Variants in HMCN2 observed in about 807,000 individuals in gnomAD.
HMCN2 encodes the protein hemicentin-2.
In HMCN2, 325 loss-of-function variants were observed where a neutral mutation model predicts 377.5. The ratio of observed to expected loss-of-function variants is 0.86; its 90% CI spans 0.79 to 0.94. The LOEUF (loss-of-function observed/expected upper bound fraction) is 0.94, where lower values mean the gene tolerates loss of function less well. HMCN2 is among the 40% of genes least tolerant of loss of function. HMCN2 has a pLI of 0.00. For missense variants in HMCN2, 4,543 were observed against 4,725.3 expected, an observed-to-expected ratio of 0.96 and a Z score of 1.13; for synonymous variants, 2,007 against 2,046.8, an observed-to-expected ratio of 0.98 and a Z score of 0.53.
intron 62 of HMCN2, among the ~76,000 whole-genome samples, chr9:130,390,138 T>G (rs987664934): frequency 2.6e-5 from 4 of 152,204 alleles, no homozygotes; most frequent in Non-Finnish European, 5.9e-5. Flanking sequence ...GCACATGTGT[T>G]CCCTGCCTGG....
intron 1 of HMCN2, among the ~76,000 whole-genome samples, chr9:130,268,386 C>T (rs1425262183): frequency 2.4e-5 from 3 of 124,402 alleles, no homozygotes; most frequent in Admixed American, 7.7e-5. Context: ...CAGGTTCAGA[C>T]GTCGGGGAGA....
chr9:130,392,236 C>T (rs1336617051), intron 66 of HMCN2, 118 bp downstream of exon 66: 4 of 714,702 alleles, frequency 5.6e-6, no homozygotes, highest in Non-Finnish European at 6.9e-6. Flanking sequence ...CCCCACCCCA[C>T]AGCGAGTGTG....
At chr9:130,298,842 G>T (rs1031383618) in intron 7 of HMCN2, among the ~76,000 whole-genome samples, 183 bp from the exon 8 acceptor site, 1 of 152,160 alleles carries the variant, frequency 6.6e-6, no homozygotes, top group Non-Finnish European at 1.5e-5. Context: ...CAGTAGCAAG[G>T]TCCCTATCTA....
chr9:130,365,719 A>G lies in HMCN2; in HGVS notation c.6497A>G (p.Asn2166Ser), dbSNP rs546277798. Residue 2166 changes from asparagine (N) to serine (S), a missense_variant, in exon 42 of 98, where the codon AAC becomes AGC. This residue lies in a region of HMCN2 where 1,032 missense variants were observed against 1,285.1 expected (regional missense o/e 0.80). Coordinates refer to ENST00000683500, the MANE Select transcript of HMCN2 (RefSeq NM_001291815.2). Reference protein sequence around the residue: ...AGHSEKHYNLNVWVAPVFPLR... With the variant: ...AGHSEKHYNLSVWVAPVFPLR... ...CACTCAGAGAAACACTACAATCTGA[A>G]CGTCTGGGGTGAGGGTCTCCCAGGC... is the stretch of plus-strand genomic sequence containing the variant. 1.0e-6 allele frequency: 1 copy of G among 985,698 alleles called. No individual in the cohort carries two copies. The highest frequency in any genetic ancestry group is 1.1e-4 in the East Asian group (1 of 8,804). The allele number at this position is 985,698 out of a possible 1,614,324, so 61.1% of individuals were successfully genotyped here.
intron 90 of HMCN2, among the ~76,000 whole-genome samples, chr9:130,426,305 C>A (rs1308896415): frequency 2.6e-5 from 4 of 152,336 alleles, no homozygotes; most frequent in Non-Finnish European, 4.4e-5. Context: ...ACCCTAGAGA[C>A]CCCCAGGAAC....
At chr9:130,353,877 C>T (rs1339504458) in intron 31 of HMCN2, among the ~76,000 whole-genome samples, 5 of 152,088 alleles carry the variant, frequency 3.3e-5, no homozygotes, top group African/African-American at 1.2e-4. Flanking sequence ...GAGAGGGCAG[C>T]GTGCAAGCTG....
intron 62 of HMCN2, among the ~76,000 whole-genome samples, chr9:130,390,314 G>C (rs1182498678): frequency 6.6e-6 from 1 of 152,120 alleles, no homozygotes; most frequent in Non-Finnish European, 1.5e-5. Flanking sequence ...TCAGCACTGG[G>C]TCCCCTTGTT....
chr9:130,325,264 T>C (rs1239953162), intron 19 of HMCN2, among the ~76,000 whole-genome samples: 1 of 151,886 alleles, frequency 6.6e-6, no homozygotes, highest in Non-Finnish European at 1.5e-5. Flanking sequence ...CACAGCTAAT[T>C]TTTGTATTTT....
Position 130,294,874 on chromosome 9 carries a change from C to T in HMCN2, c.632C>T (p.Ser211Leu). The change falls in exon 5 of 98, where the codon TCA (serine) becomes TTA (leucine). Residue 211 changes from serine (S) to leucine (L), a missense_variant. This residue lies in a region of HMCN2 where 547 missense variants were observed against 189.9 expected (regional missense o/e 2.88). Coordinates refer to ENST00000683500, the MANE Select transcript of HMCN2 (RefSeq NM_001291815.2). ...CTCCAGGTGCTGAAGTGGGTGGAGT[C>T]AGCGATCCAGGCCTCCAAGGTGCAC... ...QVTEVLKWVE[S>L]AIQASKVHLL... 1 of 458,210 alleles carries T rather than the reference C, an allele frequency of 2.2e-6. No individual in the cohort carries two copies. The highest frequency in any genetic ancestry group is 4.5e-6 in the Non-Finnish European group (1 of 220,088). 28.4% of individuals were successfully genotyped at this position (458,210 alleles called of 1,614,324 possible).
chr9:130,363,815 T>C (rs1840525419), intron 40 of HMCN2, among the ~76,000 whole-genome samples: 2 of 74,554 alleles, frequency 2.7e-5, no homozygotes. Context: ...AGAGCCAGAC[T>C]CTGTCAAAAA....
At position 130,303,532 on chromosome 9, in the gene HMCN2, CGAG is replaced by C. The variant is rs1554935336; in HGVS notation, c.1472_1474del (p.Glu491del). The C allele has an allele frequency of 6.9e-6, 3 of 435,696 alleles. No individual in the cohort carries two copies. The highest frequency in any genetic ancestry group is 4.8e-6 in the Non-Finnish European group (1 of 208,568). The allele number at this position is 435,696 out of a possible 1,614,324, so 27.0% of individuals were successfully genotyped here. A position where few individuals can be genotyped will look rare whatever the true frequency, so the allele number is the denominator to read the frequency against. ...GGGAGATCCTGCGGGCCTCCAAGGC[CGAG>C]GAGGGCACGTACGAGTGCACAGCCG... On this transcript the variant is annotated inframe_deletion, in exon 10 of 98. Transcript: ENST00000683500. The surrounding 1 kb of genome is among the most constrained non-coding windows in gnomAD (Gnocchi z 5.2).
Position 130,428,397 on chromosome 9 carries a change from A to G in HMCN2, c.14105A>G (p.Glu4702Gly), listed in dbSNP as rs1201049772. Residue 4702 changes from glutamate (E) to glycine (G), a missense_variant, in exon 93 of 98, where the codon GAG becomes GGG. By Grantham distance (98) the Glu-to-Gly change is moderately conservative. Coordinates refer to ENST00000683500, the MANE Select transcript of HMCN2 (RefSeq NM_001291815.2). This position sits in a 1 kb window ranked among gnomAD's most constrained non-coding sequence, Gnocchi z 5.0. The part of the protein sequence containing the change: ...ECAWDAHLCR[E>G]GQRCVNLLGS... The stretch of plus-strand genomic sequence containing the variant: ...GCGTGGGATGCTCACCTCTGCCGAG[A>G]GGGACAGCGCTGTGTGAACCTGCTC... 6.5e-7 allele frequency: 1 copy of G among 1,548,022 alleles called. No individual in the cohort carries two copies. Among genetic ancestry groups the G allele is most frequent in the Admixed American group, 2.0e-5 (1 of 50,988 alleles).
Position 130,398,713 on chromosome 9 carries a change from G to T in HMCN2, c.11483+6G>T. The T allele has an allele frequency of 7.8e-7, 1 of 1,288,768 alleles. No homozygotes were observed. Among genetic ancestry groups the T allele is most frequent in the Non-Finnish European group, 1.0e-6 (1 of 988,140 alleles). The allele number at this position is 1,288,768 out of a possible 1,614,324, so 79.8% of individuals were successfully genotyped here. A position where few individuals can be genotyped will look rare whatever the true frequency, so the allele number is the denominator to read the frequency against. On this transcript the variant is annotated splice_donor_region_variant and intron_variant, in intron 75 of 97. Transcript: ENST00000683500. Reference sequence around the variant, plus strand: ...CTGCAGCAGGGCGCCTACCGGTAACGAGCTGGACTTTGCGGTGGCTTCCTG... The same window carrying T: ...CTGCAGCAGGGCGCCTACCGGTAACTAGCTGGACTTTGCGGTGGCTTCCTG...
At chr9:130,407,869 G>T (rs1441929295) in intron 83 of HMCN2, among the ~76,000 whole-genome samples, 164 bp downstream of exon 83, 1 of 152,184 alleles carries the variant, frequency 6.6e-6, no homozygotes, top group African/African-American at 2.4e-5. Flanking sequence ...TGAAGTCCAA[G>T]TTCTACTTCC....
Position 130,382,881 on chromosome 9 carries a change from C to T in HMCN2, c.8733+15C>T, listed in dbSNP as rs1466687835. On this transcript the variant is annotated intron_variant, in intron 56 of 97. Coordinates refer to ENST00000683500, the MANE Select transcript of HMCN2 (RefSeq NM_001291815.2). ...AAGTCTTGCAGGTCAGGGCAGCCCCCTGCACGGGCTAGGGGCAGTGGCTGC... is the reference window on the plus strand; with the variant it reads ...AAGTCTTGCAGGTCAGGGCAGCCCCTTGCACGGGCTAGGGGCAGTGGCTGC... 1 of 985,586 alleles carries T rather than the reference C, an allele frequency of 1.0e-6. No homozygotes were observed. The highest frequency in any genetic ancestry group is 1.2e-6 in the Non-Finnish European group (1 of 829,766). The allele number at this position is 985,586 out of a possible 1,614,324, so 61.1% of individuals were successfully genotyped here.
rs1421674056 is a variant in HMCN2 at position 130,414,701 on chromosome 9, C to T, written c.12961+4049C>T. On this transcript the variant is annotated intron_variant, in intron 85 of 97. Coordinates refer to ENST00000683500, the MANE Select transcript of HMCN2 (RefSeq NM_001291815.2). The surrounding 1 kb of genome is among the most constrained non-coding windows in gnomAD (Gnocchi z 4.4). ...ATCAGGGCTCACTGCAGCCTGGGCT[C>T]GGGTGATCATCCCATCTCAGCCTCC... 6.6e-6 allele frequency among the ~76,000 whole-genome samples: 1 copy of T among 151,492 alleles called. No homozygotes were observed. The highest frequency in any genetic ancestry group is 1.5e-5 in the Non-Finnish European group (1 of 67,928).
intron 83 of HMCN2, among the ~76,000 whole-genome samples, chr9:130,408,356 T>C (rs34066671): frequency 0.044 from 6,675 of 152,262 alleles, 204 homozygotes; most frequent in African/African-American, 0.087. Context: ...CTTGTTTTTT[T>C]ATAGTTATTG....
intron 4 of HMCN2, among the ~76,000 whole-genome samples, chr9:130,292,292 T>G (rs1835825508): frequency 6.6e-6 from 1 of 152,246 alleles, no homozygotes; most frequent in Non-Finnish European, 1.5e-5. Flanking sequence ...TCTCGCTCTG[T>G]GCGGACATCT....
At chr9:130,346,325 C>T (rs1443721304) in intron 25 of HMCN2, among the ~76,000 whole-genome samples, 3 of 152,162 alleles carry the variant, frequency 2.0e-5, no homozygotes, top group African/African-American at 7.2e-5. Context: ...AGGTTCTGTC[C>T]TTGGGGCCCG....
Sources: gnomAD v4.1 joint callset for allele counts (sites outside exome capture counted in the v4.1 genomes callset) on GRCh38, gnomAD v4.1.1 for gene constraint, gnomAD v4.1.1 regional missense constraint, Gnocchi (gnomAD v3.1) non-coding constraint, MANE v1.5 for transcripts, NCBI Gene and HGNC (gene_info 2026-07-23, HGNC 2026-07-21) for gene names.